SLIT2: variants seen among roughly 807,000 people sequenced by gnomAD.
SLIT2 encodes slit homolog 2 protein.
SLIT2 carries 41 observed loss-of-function variants against 185.7 expected under a neutral mutation model. That is an observed-to-expected ratio of 0.22 (90% CI 0.17 to 0.29). The LOEUF (loss-of-function observed/expected upper bound fraction) is 0.29, where lower values mean the gene tolerates loss of function less well. SLIT2 is among the 10% of genes least tolerant of loss of function. The probability of loss-of-function intolerance (pLI) is 1.00; values close to 1 mark genes in which losing one functional copy is unlikely to be tolerated. For missense variants in SLIT2, 1,571 were observed against 1,909.0 expected (o/e 0.82, Z 3.30); for synonymous variants, 693 against 680.2 (o/e 1.02, Z -0.29).
chr4:20,416,830 G>C (rs1727728197), intron 4 of SLIT2, among the ~76,000 whole-genome samples: 1 of 152,156 alleles, frequency 6.6e-6, no homozygotes, highest in South Asian at 2.1e-4. Context: ...ATTCACATTA[G>C]CCTCAATTGG....
intron 28 of SLIT2, among the ~76,000 whole-genome samples, chr4:20,568,360 G>A (rs557988585): frequency 2.0e-5 from 3 of 151,882 alleles, no homozygotes; most frequent in Non-Finnish European, 2.9e-5. Flanking sequence ...TTAAGACAAA[G>A]AGAACATTCA....
Position 20,553,880 on chromosome 4 carries a change from G to A in SLIT2, c.2637G>A (p.Lys879=). The stretch of plus-strand genomic sequence containing the variant: ...CCGACTGGGTGAAGTCGGAATATAA[G>A]GAGCCTGGAATTGCTCGTTGTGCTG... ...WLSDWVKSEY[K]EPGIARCAGP... is the part of the protein sequence containing the mutation. The change falls in exon 26 of 37, where the codon AAG becomes AAA. Residue 879 remains lysine (K), a synonymous_variant. Transcript: ENST00000504154. The A allele has an allele frequency of 1.9e-6, 3 of 1,612,552 alleles. No individual in the cohort carries two copies. Among genetic ancestry groups the A allele is most frequent in the Non-Finnish European group, 2.5e-6 (3 of 1,179,628 alleles).
At chr4:20,295,146 A>T (rs544191204) in intron 4 of SLIT2, among the ~76,000 whole-genome samples, 3 of 152,194 alleles carry the variant, frequency 2.0e-5, no homozygotes, top group Non-Finnish European at 4.4e-5. Flanking sequence ...TTGCAAAAGA[A>T]CCTTGCCTTA....
intron 4 of SLIT2, among the ~76,000 whole-genome samples, chr4:20,317,532 A>G (rs1367831455): frequency 2.4e-4 from 37 of 152,026 alleles, no homozygotes; most frequent in Admixed American, 2.2e-3. Context: ...AGTTTGAATC[A>G]TTGCTCTTTT....
chr4:20,405,603 G>A (rs1726716106), intron 4 of SLIT2, among the ~76,000 whole-genome samples: 1 of 151,826 alleles, frequency 6.6e-6, no homozygotes, highest in South Asian at 2.1e-4. Context: ...GGAAAACATG[G>A]AGGCTATTGT....
chr4:20,349,710 T>C (rs1721712178), intron 4 of SLIT2, among the ~76,000 whole-genome samples: 1 of 152,206 alleles, frequency 6.6e-6, no homozygotes. Flanking sequence ...CTTTTATATT[T>C]GAATTTCTTA....
intron 4 of SLIT2, among the ~76,000 whole-genome samples, chr4:20,381,510 C>T (rs917930688): frequency 6.6e-6 from 1 of 152,090 alleles, no homozygotes; most frequent in African/African-American, 2.4e-5. Flanking sequence ...TTCTGATTTC[C>T]CTTTTTTCAT....
At chr4:20,432,509 G>A (rs1204712922) in intron 4 of SLIT2, among the ~76,000 whole-genome samples, 1 of 147,722 alleles carries the variant, frequency 6.8e-6, no homozygotes, top group Non-Finnish European at 1.5e-5. Context: ...ATTCATAGCT[G>A]CAGACTGTCT....
rs753795495 is a variant in SLIT2 at position 20,254,017 on chromosome 4, C to G, written c.179+23C>G. 1 of 1,590,872 alleles carries G rather than the reference C, an allele frequency of 6.3e-7. No homozygotes were observed. Among genetic ancestry groups the G allele is most frequent in the Non-Finnish European group, 8.5e-7 (1 of 1,171,800 alleles). ...ACTGTGAGTATGCGCTCTTCGTCTT[C>G]CCCTCTCCCCATCCGGGCCGCGCAC... On this transcript the variant is annotated intron_variant, in intron 1 of 36. Coordinates refer to ENST00000504154, the MANE Select transcript of SLIT2 (RefSeq NM_004787.4). The surrounding 1 kb of genome is among the most constrained non-coding windows in gnomAD (Gnocchi z 5.1).
At chr4:20,609,678 C>A (rs890463912) in intron 33 of SLIT2, among the ~76,000 whole-genome samples, 1 of 151,974 alleles carries the variant, frequency 6.6e-6, no homozygotes, top group African/African-American at 2.4e-5. Context: ...GGTAAATGGA[C>A]CTTTTATGGA....
chr4:20,519,510 G>T (rs573285514), intron 12 of SLIT2, 57 bp downstream of exon 12: 40 of 1,044,912 alleles, frequency 3.8e-5, no homozygotes, highest in Non-Finnish European at 5.6e-5. Flanking sequence ...TAGCCATTTT[G>T]TTGTCTCATA....
Position 20,257,295 on chromosome 4 carries a change from T to C in SLIT2, c.251+552T>C, listed in dbSNP as rs958366352. On this transcript the variant is annotated intron_variant, in intron 2 of 36. Transcript: ENST00000504154. Reference sequence around the variant, plus strand: ...GCAATATGATTACTTCTTTAATTAGTGGGTTAAATTAGCTGTGAGTAAACC... The same window carrying C: ...GCAATATGATTACTTCTTTAATTAGCGGGTTAAATTAGCTGTGAGTAAACC... Among the ~76,000 whole-genome samples the C allele has an allele frequency of 3.9e-5, 6 of 152,180 alleles. No individual in the cohort carries two copies. In the East Asian group the frequency reaches 1.2e-3, roughly 29 times the overall value.
rs922771518 is a variant in SLIT2 at position 20,375,344 on chromosome 4, G to A, written c.396-92408G>A. ...TGGTACAATGGATGGCTGATGAATC[G>A]GTAAAACATGGAGATTTCCTATAGC... On this transcript the variant is annotated intron_variant, in intron 4 of 36. Transcript: ENST00000504154. Among the ~76,000 whole-genome samples, 11 of 152,016 alleles carry A rather than the reference G, an allele frequency of 7.2e-5. No homozygotes were observed. In the South Asian group the frequency reaches 1.0e-3, roughly 14 times the overall value.
At chr4:20,487,580 G>A (rs866558794) in intron 7 of SLIT2, among the ~76,000 whole-genome samples, 6 of 151,972 alleles carry the variant, frequency 3.9e-5, no homozygotes, top group South Asian at 2.1e-4. Context: ...TGGTTTAGAC[G>A]GAAATATTTA....
chr4:20,595,774 A>G lies in SLIT2; in HGVS notation c.3260A>G (p.Asn1087Ser), dbSNP rs1727928615. 7.4e-6 allele frequency: 12 copies of G among 1,614,170 alleles called. No homozygotes were observed. The highest frequency in any genetic ancestry group is 1.3e-5 in the African/African-American group (1 of 75,048). ...GACTGCCAAGACAACAAGTGTAAAAACGGAGCCCACTGCACAGATGCAGTG... is the reference window on the plus strand; with the variant it reads ...GACTGCCAAGACAACAAGTGTAAAAGCGGAGCCCACTGCACAGATGCAGTG... ...FDDCQDNKCKNGAHCTDAVNG... is the reference protein window; with the variant it reads ...FDDCQDNKCKSGAHCTDAVNG... The change falls in exon 31 of 37, where the codon AAC (asparagine) becomes AGC (serine). Residue 1087 changes from asparagine to serine, a missense_variant. Physicochemically the swap from Asn to Ser is conservative, Grantham distance 46. This residue lies in a region of SLIT2 where 1,202 missense variants were observed against 1,416.4 expected (regional missense o/e 0.85). Transcript: ENST00000504154.
chr4:20,445,900 G>A (rs542146478), intron 4 of SLIT2, among the ~76,000 whole-genome samples: 2 of 152,278 alleles, frequency 1.3e-5, no homozygotes, highest in African/African-American at 4.8e-5. Flanking sequence ...AAGCGGCAAA[G>A]TATGCAAAGC....
chr4:20,425,319 A>G (rs1728468038), intron 4 of SLIT2, among the ~76,000 whole-genome samples: 1 of 151,938 alleles, frequency 6.6e-6, no homozygotes, highest in Admixed American at 6.6e-5. Context: ...TTTTTAAAAA[A>G]CTCATTGTCC....
rs1409735040 is a variant in SLIT2, at chr4:20,617,788, A to G, written c.4348+138A>G. On this transcript the variant is annotated intron_variant, in intron 36 of 36. Coordinates refer to ENST00000504154, the MANE Select transcript of SLIT2 (RefSeq NM_004787.4). ...GACAGAGAGAGGGGAGTGACAGGAGAGAATACTAGGTCTTCTCACTACTTG... is the reference window on the plus strand; with the variant it reads ...GACAGAGAGAGGGGAGTGACAGGAGGGAATACTAGGTCTTCTCACTACTTG... 3 of 635,088 alleles carry G rather than the reference A, an allele frequency of 4.7e-6. 1 individual carries two copies. Among genetic ancestry groups the G allele is most frequent in the East Asian group, 2.7e-5 (1 of 36,544 alleles). 39.3% of individuals were successfully genotyped at this position (635,088 alleles called of 1,614,324 possible).
intron 15 of SLIT2, among the ~76,000 whole-genome samples, chr4:20,527,893 A>G (rs888873941): frequency 3.1e-4 from 47 of 152,094 alleles, no homozygotes; most frequent in African/African-American, 1.1e-3. Flanking sequence ...GATCTGAAAC[A>G]TAATACCCTC....
Sources: gnomAD v4.1 joint callset for allele counts (sites outside exome capture counted in the v4.1 genomes callset) on GRCh38, gnomAD v4.1.1 for gene constraint, gnomAD v4.1.1 regional missense constraint, Gnocchi (gnomAD v3.1) non-coding constraint, MANE v1.5 for transcripts, NCBI Gene and HGNC (gene_info 2026-07-23, HGNC 2026-07-21) for gene names.